NRXN1: variants seen among roughly 807,000 people sequenced by gnomAD.
NRXN1 encodes the protein neurexin 1.
In NRXN1, 39 loss-of-function variants were observed where a neutral mutation model predicts 150.9. That is an observed-to-expected ratio of 0.26 (90% CI 0.20 to 0.34). NRXN1 has a LOEUF of 0.34. Among genes scored for constraint, NRXN1 ranks in the 10% least tolerant of loss-of-function variants. The pLI is 1.00. For synonymous variants in NRXN1, 924 were observed against 757.0 expected (o/e 1.22, Z -3.62); for missense variants, 1,815 against 1,949.9 (o/e 0.93, Z 1.30).
chr2:50,083,407 A>T (rs1698257511), intron 19 of NRXN1, among the ~76,000 whole-genome samples: 1 of 152,206 alleles, frequency 6.6e-6, no homozygotes, highest in Non-Finnish European at 1.5e-5. Context: ...ACAGAAAATA[A>T]AAAAATGCTA....
At chr2:50,401,154 C>A (rs191444359) in intron 17 of NRXN1, among the ~76,000 whole-genome samples, 3 of 152,230 alleles carry the variant, frequency 2.0e-5, no homozygotes, top group Admixed American at 6.5e-5. Flanking sequence ...AGATACCAAG[C>A]GCTTTGTTTA....
At chr2:50,174,757 A>C (rs1191569409) in intron 18 of NRXN1, 2 of 152,188 alleles carry the variant, frequency 1.3e-5, no homozygotes, top group Non-Finnish European at 2.9e-5. Context: ...CTCTTAGAAA[A>C]AAAAATTTGC....
chr2:50,971,863 T>G (rs1438969345), intron 2 of NRXN1, among the ~76,000 whole-genome samples: 2 of 152,106 alleles, frequency 1.3e-5, no homozygotes, highest in Non-Finnish European at 2.9e-5. Context: ...CCTCTCTCAT[T>G]TACCTTTAAA....
At chr2:50,790,240 C>T (rs1705744004) in intron 5 of NRXN1, among the ~76,000 whole-genome samples, 1 of 152,088 alleles carries the variant, frequency 6.6e-6, no homozygotes, top group Non-Finnish European at 1.5e-5. Context: ...TCCCACTTAT[C>T]CACTCTGTTC....
intron 21 of NRXN1, among the ~76,000 whole-genome samples, chr2:49,977,780 A>G (rs367803256): frequency 9.8e-5 from 15 of 152,322 alleles, no homozygotes; most frequent in Non-Finnish European, 2.1e-4. Context: ...TAGGTTTTTT[A>G]AAAGAATTAA....
intron 18 of NRXN1, among the ~76,000 whole-genome samples, chr2:50,195,448 T>C (rs556994351): frequency 2.6e-5 from 4 of 152,322 alleles, no homozygotes; most frequent in African/African-American, 9.6e-5. Flanking sequence ...TGCCATTTTA[T>C]AGGCTAATAG....
At chr2:50,319,195 G>T (rs2075836410) in intron 17 of NRXN1, among the ~76,000 whole-genome samples, 1 of 152,050 alleles carries the variant, frequency 6.6e-6, no homozygotes, top group Non-Finnish European at 1.5e-5. Context: ...ACTGAAAGTT[G>T]AAAATGTTTG....
intron 18 of NRXN1, among the ~76,000 whole-genome samples, chr2:50,197,083 G>A (rs1049017371): frequency 1.3e-5 from 2 of 152,118 alleles, no homozygotes; most frequent in East Asian, 1.9e-4. Context: ...TATATCAAAT[G>A]TTGGGATAAT....
In NRXN1 at chr2:50,336,212, G is replaced by C. The variant is rs144621514; in HGVS notation, c.3365-99242C>G. ...CCAGTAAATAAACAACAACAATTCT[G>C]GTGTTAAATTGAAGAAACAAAAGAA... On this transcript the variant is annotated intron_variant, in intron 17 of 22. Transcript: ENST00000401669. Among the ~76,000 whole-genome samples the C allele has an allele frequency of 2.8e-3, 420 of 152,170 alleles. 2 individuals are homozygous for C. The highest frequency in any genetic ancestry group is 9.7e-3 in the African/African-American group (401 of 41,516).
chr2:50,620,251 C>T (rs983031920), intron 7 of NRXN1, 68 bp from the exon 8 acceptor site: 38 of 1,470,086 alleles, frequency 2.6e-5, no homozygotes, highest in Non-Finnish European at 3.3e-5. Flanking sequence ...CTGGGATATG[C>T]CTGTTTTGTG....
intron 17 of NRXN1, among the ~76,000 whole-genome samples, chr2:50,257,845 A>C (rs541108830): frequency 3.9e-5 from 6 of 151,978 alleles, no homozygotes; most frequent in Non-Finnish European, 1.5e-5. Context: ...ATAAAATTAA[A>C]ATATAAAACA....
chr2:50,841,516 C>T (rs1672872139), intron 5 of NRXN1, among the ~76,000 whole-genome samples: 1 of 152,146 alleles, frequency 6.6e-6, no homozygotes, highest in South Asian at 2.1e-4. Flanking sequence ...GCACATTTTG[C>T]CACTGCTAAA....
intron 2 of NRXN1, among the ~76,000 whole-genome samples, chr2:50,986,653 C>T (rs1479005466): frequency 2.6e-5 from 4 of 151,622 alleles, no homozygotes; most frequent in African/African-American, 9.7e-5. Flanking sequence ...CTTATGCAAA[C>T]TACATATCTG....
chr2:50,192,195 A>G (rs1353190301), intron 18 of NRXN1, among the ~76,000 whole-genome samples: 1 of 152,220 alleles, frequency 6.6e-6, no homozygotes, highest in African/African-American at 2.4e-5. Flanking sequence ...TAATTCATTT[A>G]CAAATGAGAT....
chr2:49,992,693 C>T (rs1558651020), intron 21 of NRXN1, among the ~76,000 whole-genome samples: 2 of 152,000 alleles, frequency 1.3e-5, no homozygotes, highest in Non-Finnish European at 2.9e-5. Context: ...AGACTGTGAT[C>T]CAAAATATAC....
chr2:50,068,332 C>G (rs1695682768), intron 19 of NRXN1, among the ~76,000 whole-genome samples: 2 of 152,242 alleles, frequency 1.3e-5, no homozygotes, highest in Admixed American at 1.3e-4. Flanking sequence ...GTAAAATAAC[C>G]ATTTTTTTCT....
intron 5 of NRXN1, among the ~76,000 whole-genome samples, chr2:50,866,760 G>T (rs1480539585): frequency 6.6e-6 from 1 of 151,840 alleles, no homozygotes; most frequent in Non-Finnish European, 1.5e-5. Flanking sequence ...GGAACTCAGA[G>T]AATGAGGCCA....
At chr2:50,159,222 T>A (rs1044282864) in intron 18 of NRXN1, among the ~76,000 whole-genome samples, 1 of 152,124 alleles carries the variant, frequency 6.6e-6, no homozygotes, top group African/African-American at 2.4e-5. Flanking sequence ...TTTACAATCA[T>A]ATAACCAACA....
intron 17 of NRXN1, among the ~76,000 whole-genome samples, chr2:50,338,153 T>C (rs747617280): frequency 3.3e-5 from 5 of 152,258 alleles, no homozygotes; most frequent in Non-Finnish European, 5.9e-5. Context: ...GAGACTAATT[T>C]ATTATTCATC....
Sources: gnomAD v4.1 joint callset for allele counts (sites outside exome capture counted in the v4.1 genomes callset) on GRCh38, gnomAD v4.1.1 for gene constraint, MANE v1.5 for transcripts, NCBI Gene and HGNC (gene_info 2026-07-23, HGNC 2026-07-21) for gene names.